The following CTNNA3 variants were observed in gnomAD, a reference collection of about 807,000 sequenced individuals.
CTNNA3 encodes catenin alpha-3.
CTNNA3 carries 76 observed loss-of-function variants against 95.7 expected under a neutral mutation model. The ratio of observed to expected loss-of-function variants is 0.79; its 90% confidence interval spans 0.66 to 0.96. The LOEUF is 0.96. CTNNA3 is among the 40% of genes least tolerant of loss of function. The pLI, the probability that CTNNA3 is intolerant of heterozygous loss-of-function variation, is 0.00. For synonymous variants in CTNNA3, 431 were observed against 374.4 expected (o/e 1.15, Z -1.74); for missense variants, 1,191 against 1,089.8 (o/e 1.09, Z -1.31).
chr10:67,611,577 A>G (rs143559105), intron 2 of CTNNA3, among the ~76,000 whole-genome samples: 20,204 of 152,076 alleles, frequency 0.13, 2,406 homozygotes, highest in African/African-American at 0.32. Context: ...CAGCCTCCCA[A>G]AGTGCTGGGA....
chr10:66,685,263 G>C (rs184496633), intron 9 of CTNNA3, among the ~76,000 whole-genome samples: 1 of 122,380 alleles, frequency 8.2e-6, no homozygotes, highest in Admixed American at 9.0e-5. Flanking sequence ...GTATATATGT[G>C]TGTATATATA....
chr10:66,496,687 T>A (rs541166471), intron 11 of CTNNA3, among the ~76,000 whole-genome samples: 4 of 152,296 alleles, frequency 2.6e-5, no homozygotes, highest in African/African-American at 7.2e-5. Context: ...ACAAAACTTT[T>A]AGTTGACAGT....
intron 5 of CTNNA3, among the ~76,000 whole-genome samples, chr10:67,246,762 C>T (rs1373808817): frequency 6.6e-6 from 1 of 152,116 alleles, no homozygotes; most frequent in Non-Finnish European, 1.5e-5. Context: ...TGGAGTACAA[C>T]TGTTCCTATA....
chr10:66,354,417 CAT>C (rs1032306130), intron 12 of CTNNA3, among the ~76,000 whole-genome samples: 3 of 151,970 alleles, frequency 2.0e-5, no homozygotes, highest in Admixed American at 6.6e-5. Context: ...CCTTCTGTCT[CAT>C]AAAGCACATT....
intron 5 of CTNNA3, among the ~76,000 whole-genome samples, chr10:67,257,618 G>T (rs562186914): frequency 6.6e-6 from 1 of 152,062 alleles, no homozygotes; most frequent in Non-Finnish European, 1.5e-5. Flanking sequence ...TCCACAAAAC[G>T]CAAGTACAAA....
intron 10 of CTNNA3, among the ~76,000 whole-genome samples, chr10:66,583,344 T>C (rs1340770850): frequency 6.6e-6 from 1 of 151,466 alleles, no homozygotes; most frequent in Non-Finnish European, 1.5e-5. Flanking sequence ...TCTAAATTAC[T>C]GATTAAATCT....
chr10:67,033,201 G>A (rs1853839812), intron 7 of CTNNA3, among the ~76,000 whole-genome samples: 1 of 152,090 alleles, frequency 6.6e-6, no homozygotes. Context: ...TGAATTTTGA[G>A]CTATTTTGAA....
intron 11 of CTNNA3, among the ~76,000 whole-genome samples, chr10:66,420,835 A>AAATAAATAAATAAATAAATAAATAAATT: frequency 1.1e-5 from 1 of 92,994 alleles, no homozygotes; most frequent in Admixed American, 1.2e-4. Flanking sequence ...ATAAATAAAT[A>AAATAAATAAATAAATAAATAAATAAATT]AATAAAAAAC....
intron 7 of CTNNA3, among the ~76,000 whole-genome samples, chr10:66,845,729 A>AAAAAAAAAAAAAAAAAAACC (rs1297933220): frequency 1.1e-5 from 1 of 87,736 alleles, no homozygotes; most frequent in Non-Finnish European, 2.6e-5. Flanking sequence ...AAAAAAAAAA[A>AAAAAAAAAAAAAAAAAAACC]CTAAAAAGGT....
At chr10:65,988,246 A>T (rs953081962) in intron 16 of CTNNA3, among the ~76,000 whole-genome samples, 1 of 152,126 alleles carries the variant, frequency 6.6e-6, no homozygotes, top group African/African-American at 2.4e-5. Context: ...ACCTAATTTG[A>T]TCAATACACA....
At chr10:67,026,004 A>C (rs1225465129) in intron 7 of CTNNA3, among the ~76,000 whole-genome samples, 3 of 151,222 alleles carry the variant, frequency 2.0e-5, no homozygotes, top group Non-Finnish European at 2.9e-5. Context: ...AAACTATCGC[A>C]AGGACAAAAA....
At chr10:67,083,467 T>A (rs912088337) in intron 7 of CTNNA3, among the ~76,000 whole-genome samples, 2 of 152,168 alleles carry the variant, frequency 1.3e-5, no homozygotes, top group Admixed American at 6.6e-5. Flanking sequence ...GATCCCACTG[T>A]GTTATGTTTC....
chr10:66,257,894 T>A (rs1200395317), intron 13 of CTNNA3, among the ~76,000 whole-genome samples: 1 of 152,212 alleles, frequency 6.6e-6, no homozygotes, highest in South Asian at 2.1e-4. Flanking sequence ...ACAGACTCTC[T>A]CCACCACAGC....
chr10:67,337,136 TA>T (rs1252620732), intron 5 of CTNNA3, among the ~76,000 whole-genome samples: 1 of 152,082 alleles, frequency 6.6e-6, no homozygotes, highest in Admixed American at 6.6e-5. Flanking sequence ...CAAAGTAAAT[TA>T]AAAACCTTCT....
At chr10:65,999,517 C>T (rs1346266064) in intron 15 of CTNNA3, among the ~76,000 whole-genome samples, 5 of 152,144 alleles carry the variant, frequency 3.3e-5, no homozygotes, top group Admixed American at 1.3e-4. Context: ...AATGATAATA[C>T]ACTATGCCAA....
intron 11 of CTNNA3, among the ~76,000 whole-genome samples, chr10:66,392,044 A>G (rs991783798): frequency 6.7e-6 from 1 of 148,576 alleles, no homozygotes; most frequent in Non-Finnish European, 1.5e-5. Context: ...AAAATATAAC[A>G]CCAAAAACAT....
chr10:66,171,606 C>G (rs1208180320), intron 13 of CTNNA3, among the ~76,000 whole-genome samples: 1 of 151,790 alleles, frequency 6.6e-6, no homozygotes, highest in Admixed American at 6.6e-5. Context: ...ATCTATGGAC[C>G]TTAAGCATGT....
At chr10:67,107,544 G>A (rs75917650) in intron 7 of CTNNA3, among the ~76,000 whole-genome samples, 3,759 of 152,156 alleles carry the variant, frequency 0.025, 59 homozygotes, top group Non-Finnish European at 0.034. Context: ...TGAAAACACG[G>A]CCTTTAGATT....
At chr10:66,279,666 A>G (rs1456497776) in intron 13 of CTNNA3, among the ~76,000 whole-genome samples, 1 of 151,792 alleles carries the variant, frequency 6.6e-6, no homozygotes, top group Middle Eastern at 3.2e-3. Flanking sequence ...CCATAATTAC[A>G]CCTTCTTGGT....
Sources: gnomAD v4.1 joint callset for allele counts (sites outside exome capture counted in the v4.1 genomes callset) on GRCh38, gnomAD v4.1.1 for gene constraint, MANE v1.5 for transcripts, NCBI Gene and HGNC (gene_info 2026-07-23, HGNC 2026-07-21) for gene names.